Variants in VDR observed in about 807,000 individuals in gnomAD.
VDR encodes vitamin D3 receptor.
A neutral mutation model predicts 39.7 loss-of-function variants in VDR; 19 were observed. The ratio of observed to expected loss-of-function variants is 0.48; its 90% CI spans 0.33 to 0.70. The LOEUF (loss-of-function observed/expected upper bound fraction) is 0.70. Among genes scored for constraint, VDR ranks in the 30% least tolerant of loss-of-function variants. The pLI is 0.02. For synonymous variants in VDR, 242 were observed against 215.8 expected, an observed-to-expected ratio of 1.12 and a Z score of -1.07; for missense variants, 442 against 570.5, an observed-to-expected ratio of 0.77 and a Z score of 2.29.
At chr12:47,879,978 A>G (rs1946111273) in intron 2 of VDR, among the ~76,000 whole-genome samples, 1 of 151,598 alleles carries the variant, frequency 6.6e-6, no homozygotes, top group South Asian at 2.1e-4. Context: ...AGCTGGCTTG[A>G]CTCTTTCATT....
chr12:47,868,887 T>C (rs543027598), intron 3 of VDR, among the ~76,000 whole-genome samples: 9 of 152,238 alleles, frequency 5.9e-5, no homozygotes, highest in African/African-American at 1.9e-4. Context: ...TGCAAGGCCA[T>C]GGGCACCAAG....
chr12:47,852,959 T>G (rs370191820), intron 7 of VDR, among the ~76,000 whole-genome samples: 6 of 152,336 alleles, frequency 3.9e-5, no homozygotes, highest in East Asian at 1.9e-4. Context: ...CCTTCTGCCG[T>G]AAATACAGCT....
intron 1 of VDR, among the ~76,000 whole-genome samples, chr12:47,892,067 G>A (rs1205496978): frequency 6.6e-6 from 1 of 152,248 alleles, no homozygotes; most frequent in Non-Finnish European, 1.5e-5. Flanking sequence ...CTCTGGCTCA[G>A]TGGGCCTGGA....
rs73111934 is a variant in VDR at position 47,892,930 on chromosome 12, C to T, written c.-83-10156G>A. Among the ~76,000 whole-genome samples, 1,427 of 152,136 alleles carry T rather than the reference C, an allele frequency of 9.4e-3. 7 individuals carry two copies. The highest frequency in any genetic ancestry group is 0.013 in the Admixed American group (196 of 15,284). ...GAGTTTAATGTGGTGTGGTAAGAGG[C>T]GTAAGGAGCACTCCAGGCAGAGGAT... On this transcript the variant is annotated intron_variant, in intron 1 of 9. Transcript: ENST00000549336.
intron 9 of VDR, 105 bp from the exon 10 acceptor site, chr12:47,845,110 C>T (rs1387055627): frequency 4.5e-6 from 7 of 1,546,852 alleles, no homozygotes; most frequent in East Asian, 2.2e-5. Context: ...CGGCAGCACC[C>T]CCTAGGCCAC....
At chr12:47,877,030 G>A (rs1227242176) in intron 3 of VDR, among the ~76,000 whole-genome samples, 1 of 152,190 alleles carries the variant, frequency 6.6e-6, no homozygotes, top group Non-Finnish European at 1.5e-5. Context: ...TCTCCATATT[G>A]ACAACTCCTA....
Position 47,879,049 on chromosome 12 carries a change from C to T in VDR, c.65G>A (p.Arg22Gln), listed in dbSNP as rs201676749. The part of the protein sequence containing the change: ...DPGDFDRNVP[R>Q]ICGVCGDRAT... ...TCGGTCTCCACACACCCCACAGATC[C>T]GGGGCACGTTCCGGTCAAAGTCTCC... The change falls in exon 3 of 10, where the codon CGG becomes CAG. Residue 22 changes from arginine (R) to glutamine (Q), a missense_variant. Transcript: ENST00000549336. The T allele has an allele frequency of 1.2e-4, 198 of 1,614,040 alleles. No individual in the cohort carries two copies. Among genetic ancestry groups the T allele is most frequent in the Non-Finnish European group, 1.6e-4 (183 of 1,180,010 alleles).
chr12:47,895,484 A>G (rs1428874177), intron 1 of VDR, among the ~76,000 whole-genome samples: 5 of 152,244 alleles, frequency 3.3e-5, no homozygotes. Flanking sequence ...CTAACTCACA[A>G]GGAAGAAACA....
chr12:47,901,643 A>G (rs555855706), intron 1 of VDR: 3 of 153,436 alleles, frequency 2.0e-5, no homozygotes, highest in East Asian at 3.9e-4. Context: ...CCTGCTTTAC[A>G]GCCAGACTTT....
intron 1 of VDR, chr12:47,901,522 T>C (rs1180597662): frequency 6.4e-6 from 1 of 155,818 alleles, no homozygotes; most frequent in Non-Finnish European, 1.5e-5. Flanking sequence ...AGCTTCTCCC[T>C]GGCTTTGGCC....
chr12:47,904,526 T>C (rs1330242929), intron 1 of VDR: 14 of 1,251,898 alleles, frequency 1.1e-5, no homozygotes, highest in Non-Finnish European at 1.5e-5. Context: ...CAGGTGACCA[T>C]ACCTGGGCCC....
At position 47,844,421 on chromosome 12, in the gene VDR, C is replaced by A; in HGVS notation, c.*325G>T. ...TTTCTCCTGTCTGTTCCCTCAACAT[C>A]AGTCAGCAGCCACTTAGGCAGCGGT... On this transcript the variant is annotated 3_prime_UTR_variant, in exon 10 of 10. Coordinates refer to ENST00000549336, the MANE Select transcript of VDR (RefSeq NM_000376.3). The A allele has an allele frequency of 1.9e-6, 1 of 517,674 alleles. No homozygotes were observed. Among genetic ancestry groups the A allele is most frequent in the East Asian group, 3.3e-5 (1 of 30,246 alleles). The allele number at this position is 517,674 out of a possible 1,614,324, so 32.1% of individuals were successfully genotyped here.
chr12:47,853,464 G>C (rs946026603), intron 7 of VDR, among the ~76,000 whole-genome samples: 4 of 129,866 alleles, frequency 3.1e-5, no homozygotes, highest in Non-Finnish European at 4.8e-5. Context: ...AAAAAAAAAA[G>C]AATATTGGCC....
intron 1 of VDR, among the ~76,000 whole-genome samples, chr12:47,892,412 A>C (rs1460706671): frequency 2.0e-5 from 3 of 152,170 alleles, no homozygotes; most frequent in Non-Finnish European, 4.4e-5. Context: ...TCCATTTCTG[A>C]TTAGAATGAC....
At chr12:47,871,306 C>CTTTCTTTCTTTCT (rs1945861864) in intron 3 of VDR, among the ~76,000 whole-genome samples, 7 of 127,412 alleles carry the variant, frequency 5.5e-5, no homozygotes, top group African/African-American at 1.8e-4. Context: ...TTCTTTCTTT[C>CTTTCTTTCTTTCT]TTTCTTTCTT....
intron 6 of VDR, 46 bp downstream of exon 6, chr12:47,857,083 C>T (rs1945503585): frequency 6.2e-7 from 1 of 1,612,388 alleles, no homozygotes; most frequent in Non-Finnish European, 8.5e-7. Flanking sequence ...CGGTGGACTC[C>T]TCGCCCCCGC....
At chr12:47,893,409 C>A (rs369023039) in intron 1 of VDR, among the ~76,000 whole-genome samples, 1 of 151,510 alleles carries the variant, frequency 6.6e-6, no homozygotes, top group East Asian at 1.9e-4. Context: ...CATCAGTAGT[C>A]GAGCTAGAAG....
At chr12:47,900,127 C>T (rs1433799598) in intron 1 of VDR, among the ~76,000 whole-genome samples, 1 of 152,204 alleles carries the variant, frequency 6.6e-6, no homozygotes, top group Non-Finnish European at 1.5e-5. Flanking sequence ...CACACAATTT[C>T]TCTGCACAAT....
chr12:47,857,386 C>T, intron 5 of VDR, 118 bp downstream of exon 5: 4 of 1,600,634 alleles, frequency 2.5e-6, no homozygotes, highest in Non-Finnish European at 3.4e-6. Flanking sequence ...AGAGCAGCCT[C>T]CGTCCCTACC....
Sources: gnomAD v4.1 joint callset for allele counts (sites outside exome capture counted in the v4.1 genomes callset) on GRCh38, gnomAD v4.1.1 for gene constraint, MANE v1.5 for transcripts, NCBI Gene and HGNC (gene_info 2026-07-23, HGNC 2026-07-21) for gene names.